The following PRKCQ variants were observed in gnomAD, a reference collection of about 807,000 sequenced individuals.
The protein encoded by PRKCQ is protein kinase C theta, also known as protein kinase C theta type.
PRKCQ carries 41 observed loss-of-function variants against 91.2 expected under a neutral mutation model. That is an observed-to-expected ratio of 0.45 (90% CI 0.35 to 0.58). The LOEUF (loss-of-function observed/expected upper bound fraction) is 0.58. Ranked by LOEUF, PRKCQ falls within the 20% of genes least tolerant of loss-of-function variation. The pLI, the probability that PRKCQ is intolerant of heterozygous loss-of-function variation, is 0.00. For missense variants in PRKCQ, 673 were observed against 896.5 expected (o/e 0.75, Z 3.18); for synonymous variants, 307 against 316.9 (o/e 0.97, Z 0.33).
At chr10:6,491,272 C>T (rs946841504) in intron 8 of PRKCQ, among the ~76,000 whole-genome samples, 2 of 152,178 alleles carry the variant, frequency 1.3e-5, no homozygotes, top group African/African-American at 4.8e-5. Context: ...ATCTTACTGG[C>T]TGGTGCAAAG....
chr10:6,490,116 AG>A lies in PRKCQ; in HGVS notation c.790+1566del, dbSNP rs201345128. Among the ~76,000 whole-genome samples the A allele has an allele frequency of 9.5e-3, 1,443 of 152,190 alleles. 22 individuals carry two copies. The highest frequency in any genetic ancestry group is 0.034 in the African/African-American group (1,392 of 41,510). On this transcript the variant is annotated intron_variant, in intron 8 of 17. Transcript: ENST00000263125. Reference sequence around the variant, plus strand: ...CATGTCTTCTTGAACAGGGGTGTAGAGAAAAGCGTGTCAGTGTCCTTTGGGG... The same window carrying A: ...CATGTCTTCTTGAACAGGGGTGTAGAAAAAGCGTGTCAGTGTCCTTTGGGG...
intron 11 of PRKCQ, among the ~76,000 whole-genome samples, chr10:6,480,480 C>T (rs1333260121): frequency 6.6e-6 from 1 of 152,224 alleles, no homozygotes; most frequent in Non-Finnish European, 1.5e-5. Flanking sequence ...TGCAGCAACA[C>T]ACTGTTGGCA....
intron 1 of PRKCQ, among the ~76,000 whole-genome samples, chr10:6,532,982 A>G (rs1372105191): frequency 6.6e-6 from 1 of 152,136 alleles, no homozygotes; most frequent in East Asian, 1.9e-4. Context: ...ATGACTTCAA[A>G]AGTAATGTTT....
chr10:6,563,201 C>T (rs1409284948), intron 1 of PRKCQ, among the ~76,000 whole-genome samples: 1 of 151,958 alleles, frequency 6.6e-6, no homozygotes, highest in East Asian at 1.9e-4. Flanking sequence ...GCTAGGATTT[C>T]AGAGCGTAAG....
chr10:6,561,848 A>G (rs1281289202), intron 1 of PRKCQ, among the ~76,000 whole-genome samples: 2 of 152,202 alleles, frequency 1.3e-5, no homozygotes. Flanking sequence ...TGCTGTTTTT[A>G]ATGTGTTTAG....
intron 1 of PRKCQ, among the ~76,000 whole-genome samples, chr10:6,536,117 G>C (rs1050131118): frequency 1.3e-5 from 2 of 152,204 alleles, no homozygotes; most frequent in African/African-American, 4.8e-5. Context: ...AGGAGGATGA[G>C]GAGAATGGAA....
At chr10:6,543,307 G>T (rs941619631) in intron 1 of PRKCQ, among the ~76,000 whole-genome samples, 2 of 152,212 alleles carry the variant, frequency 1.3e-5, no homozygotes, top group African/African-American at 2.4e-5. Context: ...CAGCCCTGGC[G>T]GAGCAGCACA....
At chr10:6,533,122 C>T (rs751985221) in intron 1 of PRKCQ, among the ~76,000 whole-genome samples, 16 of 152,228 alleles carry the variant, frequency 1.1e-4, no homozygotes, top group South Asian at 8.3e-4. Context: ...CCATTATCAA[C>T]ATCCCCCACC....
chr10:6,530,200 G>C (rs1209569051), intron 1 of PRKCQ, among the ~76,000 whole-genome samples: 1 of 152,162 alleles, frequency 6.6e-6, no homozygotes, highest in Admixed American at 6.5e-5. Context: ...TCGAGAGCCT[G>C]GGCTCCACTT....
intron 4 of PRKCQ, among the ~76,000 whole-genome samples, chr10:6,505,965 C>T (rs1838186255): frequency 6.6e-6 from 1 of 152,118 alleles, no homozygotes; most frequent in African/African-American, 2.4e-5. Context: ...TTTCAATTTA[C>T]ATTGGGTCAT....
chr10:6,449,305 A>C (rs1055399157), intron 15 of PRKCQ, among the ~76,000 whole-genome samples: 1 of 151,888 alleles, frequency 6.6e-6, no homozygotes, highest in Non-Finnish European at 1.5e-5. Context: ...TCAGGAGCTG[A>C]TGCGATCAAC....
At chr10:6,511,670 C>T (rs1838483791) in intron 2 of PRKCQ, among the ~76,000 whole-genome samples, 1 of 152,256 alleles carries the variant, frequency 6.6e-6, no homozygotes, top group South Asian at 2.1e-4. Flanking sequence ...AAAACAGGAA[C>T]TTGGGAGGGG....
At chr10:6,555,656 G>A (rs181945050) in intron 1 of PRKCQ, among the ~76,000 whole-genome samples, 2 of 152,174 alleles carry the variant, frequency 1.3e-5, no homozygotes, top group African/African-American at 4.8e-5. Context: ...CAATTTCATA[G>A]CATTGTATTA....
chr10:6,508,754 G>A (rs1424070889), intron 3 of PRKCQ, among the ~76,000 whole-genome samples: 1 of 152,166 alleles, frequency 6.6e-6, no homozygotes, highest in African/African-American at 2.4e-5. Flanking sequence ...CCACAAGGTT[G>A]GCAGTATTCA....
chr10:6,448,670 G>A (rs1834466050), intron 15 of PRKCQ, among the ~76,000 whole-genome samples: 1 of 152,104 alleles, frequency 6.6e-6, no homozygotes, highest in South Asian at 2.1e-4. Context: ...GCCTACCAAA[G>A]TGCTGGGATT....
chr10:6,404,573 C>T, the PRKCQ span, among the ~76,000 whole-genome samples: 7 of 121,912 alleles, frequency 5.7e-5, no homozygotes, highest in South Asian at 2.2e-3. Context: ...TTCCTTCTTT[C>T]TCTTTCTTTC....
chr10:6,460,913 C>A (rs528025929), intron 14 of PRKCQ, among the ~76,000 whole-genome samples: 1 of 151,760 alleles, frequency 6.6e-6, no homozygotes, highest in South Asian at 2.1e-4. Context: ...ATCCATCCGT[C>A]CAACCATCTG....
chr10:6,553,822 T>A (rs1312996168), intron 1 of PRKCQ, among the ~76,000 whole-genome samples: 4 of 152,210 alleles, frequency 2.6e-5, no homozygotes, highest in Non-Finnish European at 4.4e-5. Context: ...ACTAAATTAT[T>A]TCTGAGCACC....
intron 1 of PRKCQ, among the ~76,000 whole-genome samples, chr10:6,534,782 A>C (rs11259421): frequency 0.42 from 61,303 of 145,092 alleles, 14,664 homozygotes; most frequent in Admixed American, 0.56. Context: ...ATCTATATAT[A>C]TATATATATA....
Sources: allele counts gnomAD v4.1 joint callset (sites outside exome capture counted in the v4.1 genomes callset), GRCh38; gene constraint gnomAD v4.1.1; transcripts MANE v1.5; gene names NCBI Gene and HGNC (gene_info 2026-07-23, HGNC 2026-07-21).